SNX18: variants seen among roughly 807,000 people sequenced by gnomAD.
SNX18 encodes sorting nexin-18.
A neutral mutation model predicts 48.7 loss-of-function variants in SNX18; 35 were observed. The observed-to-expected ratio is 0.72, with a 90% CI of 0.55 to 0.95. SNX18 has a LOEUF of 0.95. Ranked by LOEUF, SNX18 falls within the 40% of genes least tolerant of loss-of-function variation. SNX18 has a pLI of 0.00. For synonymous variants in SNX18, 492 were observed against 384.7 expected (o/e 1.28, Z -3.26); for missense variants, 824 against 871.0 (o/e 0.95, Z 0.68).
the SNX18 span, among the ~76,000 whole-genome samples, chr5:54,610,470 A>C: frequency 2.6e-5 from 4 of 152,120 alleles, no homozygotes; most frequent in Admixed American, 2.6e-4. Flanking sequence ...TGGGCTGGCC[A>C]CTCTGCAGGG....
At position 54,524,613 on chromosome 5, in the gene SNX18, T is replaced by C. The variant is rs565588891; in HGVS notation, c.1621+5040T>C. Among the ~76,000 whole-genome samples, 6 of 152,354 alleles carry C rather than the reference T, an allele frequency of 3.9e-5. No individual in the cohort carries two copies. The South Asian group carries it at 1.2e-3, about 32-fold the overall frequency. ...TACCCCATGTATTTTTAAATCAAAG[T>C]TTAAATATCAAGTTAGATTTAATTT... On this transcript the variant is annotated intron_variant, in intron 1 of 1. Transcript: ENST00000381410.
At chr5:54,521,670 C>T (rs1762035278) in intron 1 of SNX18, among the ~76,000 whole-genome samples, 1 of 152,054 alleles carries the variant, frequency 6.6e-6, no homozygotes, top group African/African-American at 2.4e-5. Context: ...GAACCATTGC[C>T]CTCCAGCTTG....
the SNX18 span, among the ~76,000 whole-genome samples, chr5:54,589,940 C>G: frequency 6.6e-6 from 1 of 152,194 alleles, no homozygotes; most frequent in East Asian, 1.9e-4. Flanking sequence ...CAGGCACACA[C>G]AACCATGACC....
At chr5:54,538,132 A>G (rs1382559517) in intron 1 of SNX18, among the ~76,000 whole-genome samples, 1 of 152,254 alleles carries the variant, frequency 6.6e-6, no homozygotes, top group Non-Finnish European at 1.5e-5. Context: ...TGTACACATA[A>G]TTCCCAGTTT....
At chr5:54,530,785 C>T (rs967385362) in intron 1 of SNX18, among the ~76,000 whole-genome samples, 26 of 90,716 alleles carry the variant, frequency 2.9e-4, no homozygotes, top group Admixed American at 4.8e-4. Context: ...CAGTTTCGCC[C>T]TTGTTGCCCA....
At chr5:54,592,064 C>A in the SNX18 span, among the ~76,000 whole-genome samples, 1 of 152,196 alleles carries the variant, frequency 6.6e-6, no homozygotes, top group East Asian at 1.9e-4. Flanking sequence ...CTCTTATGGT[C>A]TTTAACAAAT....
At chr5:54,637,986 G>GGA in the SNX18 span, among the ~76,000 whole-genome samples, 23,768 of 149,298 alleles carry the variant, frequency 0.16, 2,061 homozygotes, top group African/African-American at 0.24. Flanking sequence ...CTGCTGGACT[G>GGA]GAGAGAGAGA....
the SNX18 span, among the ~76,000 whole-genome samples, chr5:54,615,143 T>A: frequency 6.6e-6 from 1 of 152,196 alleles, no homozygotes; most frequent in Non-Finnish European, 1.5e-5. Context: ...CCTTGTGGGA[T>A]CCATTTTGGT....
At chr5:54,616,117 C>T in the SNX18 span, among the ~76,000 whole-genome samples, 1 of 152,178 alleles carries the variant, frequency 6.6e-6, no homozygotes, top group Non-Finnish European at 1.5e-5. Context: ...ATTATATGAA[C>T]CACTTTTTTG....
the SNX18 span, among the ~76,000 whole-genome samples, chr5:54,588,306 CTTTTTT>C: frequency 1.4e-5 from 1 of 73,910 alleles, no homozygotes; most frequent in Non-Finnish European, 2.5e-5. Context: ...TATTTCTATT[CTTTTTT>C]TTTTTTTTTT....
Position 54,518,887 on chromosome 5 carries a change from G to T in SNX18, c.935G>T (p.Arg312Leu). 2 of 1,613,902 alleles carry T rather than the reference G, an allele frequency of 1.2e-6. No homozygotes were observed. Among genetic ancestry groups the T allele is most frequent in the Non-Finnish European group, 1.7e-6 (2 of 1,179,936 alleles). The change falls in exon 1 of 2, where the codon CGC becomes CTC. Residue 312 changes from arginine to leucine, a missense_variant. Arg to Leu is a moderately radical substitution (Grantham distance 102, BLOSUM62 -2). Coordinates refer to ENST00000381410, the MANE Select transcript of SNX18 (RefSeq NM_001102575.2). ...CACACGCAGGTGCCGGTGCATCGGC[G>T]CTACAAGCACTTCGACTGGCTGTAC... The part of the protein sequence containing the change: ...PTHTQVPVHR[R>L]YKHFDWLYAR...
the SNX18 span, among the ~76,000 whole-genome samples, chr5:54,618,797 C>T: frequency 3.3e-5 from 5 of 151,044 alleles, no homozygotes; most frequent in African/African-American, 1.2e-4. Context: ...GACAGGACAA[C>T]TCAGTTATAA....
the SNX18 span, among the ~76,000 whole-genome samples, chr5:54,552,180 T>C: frequency 1.3e-5 from 2 of 152,186 alleles, no homozygotes; most frequent in Non-Finnish European, 2.9e-5. Context: ...ATCACACCCT[T>C]CTGAGACATT....
At chr5:54,614,412 C>T in the SNX18 span, among the ~76,000 whole-genome samples, 1 of 152,118 alleles carries the variant, frequency 6.6e-6, no homozygotes, top group African/African-American at 2.4e-5. Flanking sequence ...ATTTATGGAA[C>T]AAGATCAGTG....
chr5:54,617,107 C>T, the SNX18 span, among the ~76,000 whole-genome samples: 1 of 152,314 alleles, frequency 6.6e-6, no homozygotes, highest in South Asian at 2.1e-4. Context: ...TCAAAGGCCC[C>T]TTCAAAGAAA....
the SNX18 span, among the ~76,000 whole-genome samples, chr5:54,622,337 A>G: frequency 1.3e-5 from 2 of 152,118 alleles, no homozygotes; most frequent in Admixed American, 6.5e-5. Flanking sequence ...CATCTCTACA[A>G]AAAATACAAA....
At chr5:54,569,902 C>T in the SNX18 span, among the ~76,000 whole-genome samples, 1 of 152,146 alleles carries the variant, frequency 6.6e-6, no homozygotes, top group Non-Finnish European at 1.5e-5. Context: ...GAGAGGAGTA[C>T]CAAAGGACTT....
the SNX18 span, among the ~76,000 whole-genome samples, chr5:54,627,848 G>A: frequency 6.6e-6 from 1 of 152,180 alleles, no homozygotes; most frequent in African/African-American, 2.4e-5. Context: ...TGGAGGCCCT[G>A]TAAGGATGAG....
Position 54,523,801 on chromosome 5 carries a change from C to T in SNX18, c.1621+4228C>T, listed in dbSNP as rs114578765. Among the ~76,000 whole-genome samples the T allele has an allele frequency of 2.8e-3, 427 of 152,256 alleles. 4 individuals are homozygous for T. The highest frequency in any genetic ancestry group is 9.6e-3 in the African/African-American group (400 of 41,548). ...CCACTAGTAGAGTTGGCCTGATGTC[C>T]TTCAGACATTAATTAAAGATAGCTG... On this transcript the variant is annotated intron_variant, in intron 1 of 1. Transcript: ENST00000381410.
Sources: gnomAD v4.1 joint callset for allele counts (sites outside exome capture counted in the v4.1 genomes callset) on GRCh38, gnomAD v4.1.1 for gene constraint, MANE v1.5 for transcripts, NCBI Gene and HGNC (gene_info 2026-07-23, HGNC 2026-07-21) for gene names.